DYRK1A: variants seen among roughly 807,000 people sequenced by gnomAD.
DYRK1A encodes the protein dual specificity tyrosine phosphorylation regulated kinase 1A.
In DYRK1A, 9 loss-of-function variants were observed where a neutral mutation model predicts 79.7. The observed-to-expected ratio is 0.11, with a 90% CI of 0.07 to 0.20. The LOEUF is 0.20. Among genes scored for constraint, DYRK1A ranks in the 10% least tolerant of loss-of-function variants. DYRK1A has a pLI of 1.00. For missense variants in DYRK1A, 622 were observed against 956.0 expected (o/e 0.65, Z 4.61); for synonymous variants, 349 against 329.7 (o/e 1.06, Z -0.63).
intron 1 of DYRK1A, among the ~76,000 whole-genome samples, chr21:37,388,574 T>C (rs540756071): frequency 6.6e-6 from 1 of 152,312 alleles, no homozygotes; most frequent in South Asian, 2.1e-4. Flanking sequence ...ATATTTTTTT[T>C]AACAGTTTAT....
At chr21:37,425,363 CTTA>C (rs746978006) in intron 2 of DYRK1A, among the ~76,000 whole-genome samples, 23 of 152,126 alleles carry the variant, frequency 1.5e-4, no homozygotes, top group Non-Finnish European at 2.1e-4. Context: ...TTAAGAGTTT[CTTA>C]TTATTTTCCA....
intron 3 of DYRK1A, among the ~76,000 whole-genome samples, chr21:37,473,537 G>A (rs533640313): frequency 6.6e-6 from 1 of 152,294 alleles, no homozygotes; most frequent in African/African-American, 2.4e-5. Context: ...AACAGCTGTA[G>A]TTGTGTGAAA....
At chr21:37,450,349 T>C (rs1309742535) in intron 2 of DYRK1A, among the ~76,000 whole-genome samples, 1 of 152,184 alleles carries the variant, frequency 6.6e-6, no homozygotes, top group East Asian at 1.9e-4. Context: ...TGGGAACCTT[T>C]TTCATCAGGA....
rs1184639555 is a variant in DYRK1A at position 37,479,606 on chromosome 21, GTTTTTGT to G, written c.301-1019_301-1013del. Among the ~76,000 whole-genome samples the G allele has an allele frequency of 2.0e-3, 56 of 27,592 alleles. 2 individuals are homozygous for G. Among genetic ancestry groups the G allele is most frequent in the African/African-American group, 7.5e-3 (51 of 6,800 alleles). The allele number at this position is 27,592 out of a possible 152,430, so 18.1% of individuals were successfully genotyped here. A position where few individuals can be genotyped will look rare whatever the true frequency, so the allele number is the denominator to read the frequency against. ...GTGTTGGTGTTTTGTTTTTGTTTTTGTTTTTGTTTTTTGTTTTTTTTTTTTTTTTTGG... is the reference window on the plus strand; with the variant it reads ...GTGTTGGTGTTTTGTTTTTGTTTTTGTTTTTGTTTTTTTTTTTTTTTTTGG... On this transcript the variant is annotated intron_variant, in intron 4 of 11. Coordinates refer to ENST00000647188, the MANE Select transcript of DYRK1A (RefSeq NM_001347721.2).
intron 1 of DYRK1A, among the ~76,000 whole-genome samples, chr21:37,397,879 C>T (rs1244048064): frequency 2.0e-5 from 3 of 151,894 alleles, no homozygotes; most frequent in African/African-American, 4.8e-5. Context: ...TGCCTGGCTC[C>T]TGTACCACAC....
At chr21:37,431,290 G>A (rs561807649) in intron 2 of DYRK1A, among the ~76,000 whole-genome samples, 1 of 152,296 alleles carries the variant, frequency 6.6e-6, no homozygotes, top group East Asian at 1.9e-4. Flanking sequence ...ATTGTTTTCA[G>A]TCACACTTGA....
rs139130268 is a variant in DYRK1A at position 37,511,235 on chromosome 21, T to G, written c.1645-676T>G. Among the ~76,000 whole-genome samples the G allele has an allele frequency of 1.8e-4, 27 of 152,238 alleles. No individual in the cohort carries two copies. In the East Asian group the frequency reaches 4.8e-3, roughly 27 times the overall value. On this transcript the variant is annotated intron_variant, in intron 11 of 11. Transcript: ENST00000647188. The stretch of plus-strand genomic sequence containing the variant: ...TGCAGATCGTTGTATCCATTTGGGT[T>G]TATTTTGTTTTTCTAAGTGCAGTGA...
intron 2 of DYRK1A, among the ~76,000 whole-genome samples, chr21:37,442,165 G>T (rs1159831160): frequency 6.6e-6 from 1 of 151,916 alleles, no homozygotes. Flanking sequence ...GTTTTTAGCA[G>T]TTTGATAATT....
In DYRK1A at chr21:37,526,194, A is replaced by G. The variant is rs564898623; in HGVS notation, c.*13663A>G. 5 of 152,330 alleles carry G rather than the reference A, an allele frequency of 3.3e-5. No homozygotes were observed. The highest frequency in any genetic ancestry group is 6.5e-5 in the Admixed American group (1 of 15,308). The allele number at this position is 152,330 out of a possible 1,614,324, so 9.4% of individuals were successfully genotyped here. On this transcript the variant is annotated 3_prime_UTR_variant, in exon 12 of 12. Transcript: ENST00000647188. ...TTTGAGCAGTGTGTTAGGGACCTCAATGCAAACCCAAAAGAAATTTTTATA... is the reference window on the plus strand; with the variant it reads ...TTTGAGCAGTGTGTTAGGGACCTCAGTGCAAACCCAAAAGAAATTTTTATA...
intron 2 of DYRK1A, among the ~76,000 whole-genome samples, chr21:37,432,139 A>T (rs1046268169): frequency 1.2e-4 from 19 of 152,148 alleles, no homozygotes; most frequent in African/African-American, 4.3e-4. Context: ...TTAGTATATG[A>T]CAGTATACTG....
intron 8 of DYRK1A, among the ~76,000 whole-genome samples, chr21:37,494,670 G>C (rs904103515): frequency 6.6e-6 from 1 of 151,896 alleles, no homozygotes; most frequent in Non-Finnish European, 1.5e-5. Flanking sequence ...TGATAATGCC[G>C]GGCGCAGTGG....
At chr21:37,501,747 G>A (rs1337008520) in intron 9 of DYRK1A, 1 of 152,112 alleles carries the variant, frequency 6.6e-6, no homozygotes, top group African/African-American at 2.4e-5. Flanking sequence ...GTGGTCTCCA[G>A]CTATCAATGT....
intron 6 of DYRK1A, 77 bp from the exon 7 acceptor site, chr21:37,490,098 C>A: frequency 7.3e-7 from 1 of 1,362,928 alleles, no homozygotes. Context: ...TGTTATAGAA[C>A]ATTTGAGAGT....
chr21:37,365,991 C>A (rs758646062), upstream of DYRK1A: 2 of 152,128 alleles, frequency 1.3e-5, no homozygotes, highest in Admixed American at 6.5e-5. Context: ...TCAGGGCCGC[C>A]GGGCCCGGCG....
At chr21:37,455,368 TATGTTTAATAAG>T (rs2148512267) in intron 2 of DYRK1A, among the ~76,000 whole-genome samples, 1 of 152,312 alleles carries the variant, frequency 6.6e-6, no homozygotes, top group East Asian at 1.9e-4. Context: ...TTAAATGTCA[TATGTTTAATAAG>T]ATGGAAACTG....
In DYRK1A at chr21:37,515,977, A is replaced by G. The variant is rs979339590; in HGVS notation, c.*3446A>G. 6 of 152,246 alleles carry G rather than the reference A, an allele frequency of 3.9e-5. No homozygotes were observed. The highest frequency in any genetic ancestry group is 7.3e-5 in the Non-Finnish European group (5 of 68,048). The allele number at this position is 152,246 out of a possible 1,614,324, so 9.4% of individuals were successfully genotyped here. A position where few individuals can be genotyped will look rare whatever the true frequency, so the allele number is the denominator to read the frequency against. On this transcript the variant is annotated 3_prime_UTR_variant, in exon 12 of 12. Transcript: ENST00000647188. ...TGGTGTTGAACTTTTCTGTTCTTCCAATAGGGAGATACATAATCAAAATAC... is the reference window on the plus strand; with the variant it reads ...TGGTGTTGAACTTTTCTGTTCTTCCGATAGGGAGATACATAATCAAAATAC...
intron 1 of DYRK1A, among the ~76,000 whole-genome samples, chr21:37,417,590 A>G (rs1449419156): frequency 1.4e-5 from 1 of 70,764 alleles, no homozygotes; most frequent in East Asian, 4.8e-4. Context: ...TTATTAGGTG[A>G]CTTGATTTCT....
chr21:37,395,574 T>G (rs2049945924), intron 1 of DYRK1A, among the ~76,000 whole-genome samples: 1 of 152,212 alleles, frequency 6.6e-6, no homozygotes, highest in South Asian at 2.1e-4. Context: ...TAAATTTAAA[T>G]TAAATTTCTC....
At chr21:37,419,630 C>T (rs1252442748) in intron 1 of DYRK1A, 1 of 152,198 alleles carries the variant, frequency 6.6e-6, no homozygotes, top group Non-Finnish European at 1.5e-5. Flanking sequence ...CTTGTCTTTA[C>T]CTCTTCTGCT....
Sources: gnomAD v4.1 joint callset for allele counts (sites outside exome capture counted in the v4.1 genomes callset) on GRCh38, gnomAD v4.1.1 for gene constraint, MANE v1.5 for transcripts, NCBI Gene and HGNC (gene_info 2026-07-23, HGNC 2026-07-21) for gene names.